The following ASPRV1 variants were observed in gnomAD, a reference collection of about 807,000 sequenced individuals.
The protein encoded by ASPRV1 is aspartic peptidase retroviral like 1, also known as retroviral-like aspartic protease 1.
Under a neutral mutation model 11.0 loss-of-function variants are expected in ASPRV1, and 7 were observed. The ratio of observed to expected loss-of-function variants is 0.64; its 90% CI spans 0.36 to 1.20. The LOEUF is 1.20. ASPRV1 is among the 50% of genes most tolerant of loss of function. ASPRV1 has a pLI of 0.02. For synonymous variants in ASPRV1, 136 were observed against 138.4 expected (o/e 0.98, Z 0.12); for missense variants, 299 against 320.0 (o/e 0.93, Z 0.50).
At chr2:70,086,334 G>C in the ASPRV1 span, 9 of 152,262 alleles carry the variant, frequency 5.9e-5, no homozygotes, top group African/African-American at 2.2e-4. Flanking sequence ...CGCCACGTTA[G>C]CCGCTTTCCC....
At chr2:69,941,863 TACACAC>T in the ASPRV1 span, 7 of 144,736 alleles carry the variant, frequency 4.8e-5, no homozygotes, top group South Asian at 2.1e-4. Context: ...TATCTATATA[TACACAC>T]ACACACACAC....
the ASPRV1 span, among the ~76,000 whole-genome samples, chr2:70,000,336 C>CACA: frequency 1.1e-3 from 135 of 126,314 alleles, no homozygotes; most frequent in African/African-American, 4.1e-3. Context: ...AAAAAAAAAA[C>CACA]CACACACACA....
the ASPRV1 span, among the ~76,000 whole-genome samples, chr2:70,026,530 G>A: frequency 2.0e-5 from 3 of 151,674 alleles, no homozygotes; most frequent in Admixed American, 1.3e-4. Flanking sequence ...ACCAACATAC[G>A]AAAATCAGTA....
the ASPRV1 span, among the ~76,000 whole-genome samples, chr2:69,986,513 G>T: frequency 6.6e-6 from 1 of 152,200 alleles, no homozygotes; most frequent in Admixed American, 6.5e-5. Context: ...TCAGGTCTGT[G>T]TCCCCAGCCC....
the ASPRV1 span, among the ~76,000 whole-genome samples, chr2:69,944,018 C>T: frequency 3.9e-5 from 6 of 152,164 alleles, no homozygotes; most frequent in Non-Finnish European, 8.8e-5. Flanking sequence ...GGAAAGTGGC[C>T]TGCCTTGTCT....
upstream of ASPRV1, chr2:69,964,703 C>G (rs1041886783): frequency 5.8e-6 from 1 of 172,942 alleles, no homozygotes; most frequent in African/African-American, 2.4e-5. Context: ...GCAAGCACAC[C>G]GCACTGAACC....
the ASPRV1 span, chr2:70,049,471 CAAACT>C: frequency 1.3e-5 from 2 of 152,096 alleles, no homozygotes; most frequent in Non-Finnish European, 2.9e-5. Context: ...GAAACTGAAT[CAAACT>C]AGAGTTCTGA....
chr2:69,956,994 T>C (rs1325854960), downstream of ASPRV1, among the ~76,000 whole-genome samples: 1 of 152,094 alleles, frequency 6.6e-6, no homozygotes, highest in East Asian at 1.9e-4. Flanking sequence ...TTAAAGGAGA[T>C]GAAAGAGACA....
chr2:70,004,117 G>A, the ASPRV1 span, among the ~76,000 whole-genome samples: 10 of 152,172 alleles, frequency 6.6e-5, no homozygotes, highest in Non-Finnish European at 1.3e-4. Flanking sequence ...GTCTTCTAAG[G>A]GTGAGGGTTG....
the ASPRV1 span, among the ~76,000 whole-genome samples, chr2:69,967,519 G>A: frequency 6.6e-6 from 1 of 152,192 alleles, no homozygotes; most frequent in Admixed American, 6.5e-5. Flanking sequence ...AAGGCCCTGA[G>A]AATGAGTTAG....
At chr2:69,933,671 CT>C in the ASPRV1 span, among the ~76,000 whole-genome samples, 1 of 152,206 alleles carries the variant, frequency 6.6e-6, no homozygotes, top group African/African-American at 2.4e-5. Flanking sequence ...GCCTTGCTTA[CT>C]AGCCCTGCCT....
At chr2:70,056,865 G>A in the ASPRV1 span, among the ~76,000 whole-genome samples, 8 of 151,876 alleles carry the variant, frequency 5.3e-5, no homozygotes, top group South Asian at 2.1e-4. Flanking sequence ...CTCGCGAGTA[G>A]CTGGGATTAC....
the ASPRV1 span, among the ~76,000 whole-genome samples, chr2:70,017,197 T>C: frequency 6.6e-6 from 1 of 152,158 alleles, no homozygotes; most frequent in African/African-American, 2.4e-5. Flanking sequence ...TTCACCATGT[T>C]AGCCAGGATG....
At chr2:70,074,789 A>C in the ASPRV1 span, among the ~76,000 whole-genome samples, 1 of 151,598 alleles carries the variant, frequency 6.6e-6, no homozygotes, top group African/African-American at 2.4e-5. Context: ...AGAGGTAAGA[A>C]AAGACTACAA....
At chr2:70,007,069 G>T in the ASPRV1 span, among the ~76,000 whole-genome samples, 2 of 152,226 alleles carry the variant, frequency 1.3e-5, no homozygotes, top group Non-Finnish European at 2.9e-5. Flanking sequence ...CTGCTACAAA[G>T]ATTATGTAAC....
the ASPRV1 span, among the ~76,000 whole-genome samples, chr2:70,061,849 G>C: frequency 6.6e-6 from 1 of 151,688 alleles, no homozygotes. Flanking sequence ...TGCATTCCTA[G>C]CTACTCTGCA....
the ASPRV1 span, chr2:70,015,574 G>A: frequency 6.6e-6 from 1 of 152,124 alleles, no homozygotes; most frequent in Non-Finnish European, 1.5e-5. Context: ...CCCACACCAA[G>A]GGACAACTGT....
the ASPRV1 span, among the ~76,000 whole-genome samples, chr2:69,935,813 T>G: frequency 1.3e-5 from 2 of 152,194 alleles, no homozygotes; most frequent in African/African-American, 2.4e-5. Flanking sequence ...TGCAATAAAA[T>G]CCTCAGAGGT....
chr2:70,069,114 C>T, the ASPRV1 span: 1 of 152,232 alleles, frequency 6.6e-6, no homozygotes, highest in African/African-American at 2.4e-5. Flanking sequence ...CAGCCCAGGC[C>T]TTACCCAACA....
Sources: allele counts gnomAD v4.1 joint callset (sites outside exome capture counted in the v4.1 genomes callset), GRCh38; gene constraint gnomAD v4.1.1; transcripts MANE v1.5; gene names NCBI Gene and HGNC (gene_info 2026-07-23, HGNC 2026-07-21).